Variants in NBEAL1 observed in about 807,000 individuals in gnomAD.
NBEAL1 encodes neurobeachin like 1.
In NBEAL1, 273 loss-of-function variants were observed where a neutral mutation model predicts 351.3. That is an observed-to-expected ratio of 0.78 (90% CI 0.70 to 0.86). The LOEUF is 0.86. NBEAL1 is among the 40% of genes least tolerant of loss of function. The probability of loss-of-function intolerance (pLI) is 0.00; values close to 1 mark genes in which losing one functional copy is unlikely to be tolerated. For missense variants in NBEAL1, 2,961 were observed against 3,201.3 expected (o/e 0.92, Z 1.81); for synonymous variants, 1,050 against 1,086.4 (o/e 0.97, Z 0.66).
intron 47 of NBEAL1, among the ~76,000 whole-genome samples, chr2:203,196,240 A>G (rs1393643423): frequency 1.3e-5 from 2 of 152,240 alleles, no homozygotes; most frequent in Non-Finnish European, 2.9e-5. Flanking sequence ...CAGGTGCAGC[A>G]ACACATCTGC....
chr2:203,031,221 T>C (rs2060944489), intron 2 of NBEAL1, among the ~76,000 whole-genome samples: 1 of 152,260 alleles, frequency 6.6e-6, no homozygotes, highest in African/African-American at 2.4e-5. Flanking sequence ...TGATAGATAA[T>C]CTTTCCACAC....
intron 46 of NBEAL1, 64 bp downstream of exon 46, chr2:203,190,453 A>C (rs1674927128): frequency 8.7e-7 from 1 of 1,147,824 alleles, no homozygotes; most frequent in Non-Finnish European, 1.3e-6. Context: ...GTACATAACA[A>C]AATATTGCAG....
At chr2:203,085,692 G>T (rs755903762) in intron 10 of NBEAL1, 1 of 152,080 alleles carries the variant, frequency 6.6e-6, no homozygotes, top group East Asian at 1.9e-4. Context: ...ATGATTTGGT[G>T]CCCTTTCAGG....
At position 203,172,843 on chromosome 2, in the gene NBEAL1, A is replaced by G. The variant is rs369250611; in HGVS notation, c.6313A>G (p.Met2105Val). Residue 2105 changes from methionine (M) to valine (V), a missense_variant, in exon 41 of 56, where the codon ATG (methionine) becomes GTG (valine). Met to Val is a conservative substitution (Grantham distance 21, BLOSUM62 1). Transcript: ENST00000683969. ...GVVNEKNAKA[M>V]REKYENFEDP... ...AGTTAATGAAAAAAACGCCAAAGCT[A>G]TGAGAGAAAAGTAAGTGCTTCTTAT... 9.3e-6 allele frequency: 15 copies of G among 1,606,450 alleles called. No individual in the cohort carries two copies. The highest frequency in any genetic ancestry group is 1.1e-5 in the Non-Finnish European group (13 of 1,176,752).
intron 44 of NBEAL1, among the ~76,000 whole-genome samples, chr2:203,187,012 T>G (rs1029232393): frequency 3.9e-5 from 6 of 152,224 alleles, no homozygotes; most frequent in Non-Finnish European, 8.8e-5. Context: ...AAGACCATAT[T>G]TTATTGGTGA....
chr2:203,113,361 T>A lies in NBEAL1; in HGVS notation c.2506+43T>A, dbSNP rs568233612. ...TAATGCTTAAGCAAATTTAGAGTTTTTTTTGTTGTCTAAATATATTCTGAA... is the reference window on the plus strand; with the variant it reads ...TAATGCTTAAGCAAATTTAGAGTTTATTTTGTTGTCTAAATATATTCTGAA... On this transcript the variant is annotated intron_variant, in intron 17 of 55. Coordinates refer to ENST00000683969, the MANE Select transcript of NBEAL1 (RefSeq NM_001378026.1). 259 of 1,144,922 alleles carry A rather than the reference T, an allele frequency of 2.3e-4. No homozygotes were observed. The African/African-American group carries it at 3.8e-3, about 17-fold the overall frequency. The allele number at this position is 1,144,922 out of a possible 1,614,324, so 70.9% of individuals were successfully genotyped here. A position where few individuals can be genotyped will look rare whatever the true frequency, so the allele number is the denominator to read the frequency against.
At chr2:203,160,077 ATT>A (rs34866290) in intron 36 of NBEAL1, among the ~76,000 whole-genome samples, 1,520 of 127,490 alleles carry the variant, frequency 0.012, 15 homozygotes, top group Non-Finnish European at 0.015. Flanking sequence ...GCCCCCCGCT[ATT>A]TTTTTTTTTT....
At chr2:203,171,677 G>GT (rs5837844) in intron 39 of NBEAL1, among the ~76,000 whole-genome samples, 124,798 of 148,440 alleles carry the variant, frequency 0.84, 54,606 homozygotes, top group Non-Finnish European at 0.96. Context: ...AAAAGACAAG[G>GT]TTTTTTTTTT....
chr2:203,114,562 A>G (rs1359697209), intron 17 of NBEAL1, among the ~76,000 whole-genome samples: 3 of 152,202 alleles, frequency 2.0e-5, no homozygotes, highest in Admixed American at 6.5e-5. Flanking sequence ...GATCCTAACT[A>G]CTTTCAAAAT....
At chr2:203,019,494 C>T (rs985843593) in intron 2 of NBEAL1, among the ~76,000 whole-genome samples, 18 of 152,048 alleles carry the variant, frequency 1.2e-4, no homozygotes, top group African/African-American at 4.1e-4. Context: ...TGTTTTGTTG[C>T]CCTGCTTGGT....
chr2:203,115,842 A>C, intron 17 of NBEAL1, 143 bp from the exon 18 acceptor site: 1 of 560,816 alleles, frequency 1.8e-6, no homozygotes, highest in South Asian at 2.6e-5. Flanking sequence ...ATATGGAAAC[A>C]AAGTAAATTT....
intron 26 of NBEAL1, among the ~76,000 whole-genome samples, chr2:203,132,816 T>C (rs2063103808): frequency 6.6e-6 from 1 of 152,118 alleles, no homozygotes; most frequent in African/African-American, 2.4e-5. Flanking sequence ...AGATAAATAA[T>C]AATATAAGAG....
chr2:203,116,853 G>A (rs1003970719), intron 18 of NBEAL1, among the ~76,000 whole-genome samples: 1 of 151,082 alleles, frequency 6.6e-6, no homozygotes, highest in Non-Finnish European at 1.5e-5. Context: ...TGTAATACCA[G>A]CACTTTAGGA....
intron 2 of NBEAL1, among the ~76,000 whole-genome samples, chr2:203,017,028 C>A (rs1185524703): frequency 2.0e-5 from 3 of 152,186 alleles, no homozygotes; most frequent in Non-Finnish European, 4.4e-5. Flanking sequence ...TACTACCTGA[C>A]TCAAGTGCGT....
chr2:203,115,418 G>A (rs1039699920), intron 17 of NBEAL1, among the ~76,000 whole-genome samples: 3 of 151,470 alleles, frequency 2.0e-5, no homozygotes, highest in East Asian at 1.9e-4. Context: ...GCCACCATGC[G>A]TGACCAGATA....
intron 33 of NBEAL1, among the ~76,000 whole-genome samples, chr2:203,145,721 C>T (rs1375274092): frequency 6.7e-6 from 1 of 149,648 alleles, no homozygotes; most frequent in East Asian, 2.0e-4. Flanking sequence ...TTGCTTGAAC[C>T]TGGGAGGCAG....
intron 3 of NBEAL1, among the ~76,000 whole-genome samples, chr2:203,047,767 A>G (rs1281347741): frequency 3.0e-5 from 4 of 133,414 alleles, no homozygotes; most frequent in South Asian, 4.7e-4. Context: ...TTTTTGAGAG[A>G]TGGTCTTTCT....
At chr2:203,209,071 A>T in intron 52 of NBEAL1, 90 bp from the exon 53 acceptor site, 1 of 1,056,998 alleles carries the variant, frequency 9.5e-7, no homozygotes, top group Non-Finnish European at 1.4e-6. Context: ...TTCCTTTCCC[A>T]CATTTCTTTA....
At chr2:203,125,857 A>C in intron 20 of NBEAL1, 103 bp from the exon 21 acceptor site, 2 of 985,682 alleles carry the variant, frequency 2.0e-6, no homozygotes, top group Non-Finnish European at 2.8e-6. Flanking sequence ...TGACTGCTGA[A>C]CCAGATTTCT....
Sources: gnomAD v4.1 joint callset for allele counts (sites outside exome capture counted in the v4.1 genomes callset) on GRCh38, gnomAD v4.1.1 for gene constraint, MANE v1.5 for transcripts, NCBI Gene and HGNC (gene_info 2026-07-23, HGNC 2026-07-21) for gene names.